Variants in PCDHA10 observed in about 807,000 individuals in gnomAD.
PCDHA10 encodes protocadherin alpha-10.
PCDHA10 carries 45 observed loss-of-function variants against 61.2 expected under a neutral mutation model. That is an observed-to-expected ratio of 0.74 (90% CI 0.58 to 0.94). PCDHA10 has a LOEUF of 0.94. Among genes scored for constraint, PCDHA10 ranks in the 40% least tolerant of loss-of-function variants. The pLI is 0.00. For synonymous variants in PCDHA10, 602 were observed against 548.8 expected, an observed-to-expected ratio of 1.10 and a Z score of -1.35; for missense variants, 1,278 against 1,236.2, an observed-to-expected ratio of 1.03 and a Z score of -0.51.
chr5:140,880,614 GGGA>G (rs2058396473), intron 1 of PCDHA10, among the ~76,000 whole-genome samples: 1 of 152,182 alleles, frequency 6.6e-6, no homozygotes, highest in South Asian at 2.1e-4. Context: ...GTAAGCAAGA[GGGA>G]GGAGTTAATT....
At chr5:140,927,092 G>T in intron 1 of PCDHA10, 1 of 1,612,746 alleles carries the variant, frequency 6.2e-7, no homozygotes, top group Non-Finnish European at 8.5e-7. Flanking sequence ...CTCTACTTCG[G>T]GGTGGATCTA....
At chr5:140,869,433 G>A in intron 1 of PCDHA10, 2 of 1,614,226 alleles carry the variant, frequency 1.2e-6, no homozygotes, top group Non-Finnish European at 1.7e-6. Context: ...AGGTGATCGT[G>A]GACAGGCCGC....
intron 1 of PCDHA10, among the ~76,000 whole-genome samples, chr5:140,886,068 GC>G (rs1462692271): frequency 5.3e-5 from 8 of 152,098 alleles, no homozygotes; most frequent in African/African-American, 9.7e-5. Context: ...AAAGCGTAGG[GC>G]CATACCACAA....
At chr5:140,867,220 A>G (rs782476423) in intron 1 of PCDHA10, 2 of 152,110 alleles carry the variant, frequency 1.3e-5, no homozygotes, top group Non-Finnish European at 2.9e-5. Flanking sequence ...TTCATCCCCA[A>G]TTCCCATAAT....
intron 1 of PCDHA10, among the ~76,000 whole-genome samples, chr5:140,953,351 C>G (rs1007094673): frequency 3.3e-5 from 5 of 152,122 alleles, no homozygotes; most frequent in Non-Finnish European, 5.9e-5. Context: ...TTCTTTTGTT[C>G]TGTGCACTCA....
At position 140,857,738 on chromosome 5, in the gene PCDHA10, C is replaced by T; in HGVS notation, c.1690C>T (p.Leu564=). 1 of 1,597,432 alleles carries T rather than the reference C, an allele frequency of 6.3e-7. No homozygotes were observed. The highest frequency in any genetic ancestry group is 8.6e-7 in the Non-Finnish European group (1 of 1,167,660). Residue 564 remains leucine (L), a synonymous_variant, in exon 1 of 4, where the codon CTG becomes TTG. Coordinates refer to ENST00000307360, the MANE Select transcript of PCDHA10 (RefSeq NM_018901.4). ...VLDENDNAPA[L]LASPAGSAGG... ...GGACGAGAACGACAACGCTCCCGCG[C>T]TGCTGGCGTCTCCCGCTGGCAGCGC...
At chr5:140,869,497 G>T (rs2051177889) in intron 1 of PCDHA10, 2 of 1,614,084 alleles carry the variant, frequency 1.2e-6, no homozygotes. Flanking sequence ...CAACCCGCCG[G>T]TGTTCTCGCT....
chr5:140,904,714 C>T (rs1306730472), intron 1 of PCDHA10, among the ~76,000 whole-genome samples: 1 of 152,110 alleles, frequency 6.6e-6, no homozygotes, highest in African/African-American at 2.4e-5. Flanking sequence ...TCACCACATT[C>T]TGGCCAACAT....
At chr5:140,947,635 G>T (rs1170525936) in intron 1 of PCDHA10, among the ~76,000 whole-genome samples, 1 of 151,538 alleles carries the variant, frequency 6.6e-6, no homozygotes, top group Non-Finnish European at 1.5e-5. Flanking sequence ...TCATCAGATC[G>T]TATGAACATA....
intron 1 of PCDHA10, chr5:140,870,542 A>T (rs781984897): frequency 1.2e-6 from 2 of 1,614,132 alleles, no homozygotes; most frequent in Non-Finnish European, 1.7e-6. Context: ...TCGGCGCGGG[A>T]CGCGGACGCG....
chr5:140,945,678 C>T (rs2093827274), intron 1 of PCDHA10, among the ~76,000 whole-genome samples: 1 of 152,078 alleles, frequency 6.6e-6, no homozygotes, highest in Non-Finnish European at 1.5e-5. Context: ...AATAAATCCA[C>T]ACAGTTACTG....
chr5:140,933,715 G>C (rs1292658358), intron 1 of PCDHA10, among the ~76,000 whole-genome samples: 1 of 151,902 alleles, frequency 6.6e-6, no homozygotes, highest in Non-Finnish European at 1.5e-5. Flanking sequence ...ACTGAGATTG[G>C]TGATACAGCT....
At chr5:140,943,234 G>A (rs1161111493) in intron 1 of PCDHA10, among the ~76,000 whole-genome samples, 3 of 145,508 alleles carry the variant, frequency 2.1e-5, no homozygotes, top group Non-Finnish European at 4.5e-5. Context: ...CTCCAGCCTG[G>A]GTCACAGAGT....
At chr5:140,906,961 T>C (rs143429690) in intron 1 of PCDHA10, among the ~76,000 whole-genome samples, 1 of 152,268 alleles carries the variant, frequency 6.6e-6, no homozygotes, top group African/African-American at 2.4e-5. Flanking sequence ...TTTAATGGAA[T>C]CGTGGTTGTG....
At chr5:140,962,414 C>T (rs2095681226) in intron 1 of PCDHA10, among the ~76,000 whole-genome samples, 1 of 152,166 alleles carries the variant, frequency 6.6e-6, no homozygotes, top group African/African-American at 2.4e-5. Context: ...CCTGTCTCTC[C>T]CTTTTTATTG....
intron 1 of PCDHA10, among the ~76,000 whole-genome samples, chr5:140,900,040 G>A (rs1407235485): frequency 4.6e-5 from 7 of 152,046 alleles, no homozygotes; most frequent in Non-Finnish European, 8.8e-5. Flanking sequence ...GAATTCCTGG[G>A]CTCAAGTGAT....
Position 140,941,218 on chromosome 5 carries a change from T to C in PCDHA10, c.2389-37731T>C, listed in dbSNP as rs552463058. ...TTCTTTCTTCCTTTCTTTCTTCCTT[T>C]CTTTCTTTCTTTCTTTCTTTCTTTC... On this transcript the variant is annotated intron_variant, in intron 1 of 3. Transcript: ENST00000307360. 5.6e-5 allele frequency among the ~76,000 whole-genome samples: 7 copies of C among 125,730 alleles called. No homozygotes were observed. In the South Asian group the frequency reaches 7.6e-4, roughly 14 times the overall value. 82.5% of individuals were successfully genotyped at this position (125,730 alleles called of 152,430 possible). A position where few individuals can be genotyped will look rare whatever the true frequency, so the allele number is the denominator to read the frequency against.
At chr5:140,862,607 A>C in intron 1 of PCDHA10, 3 of 519,204 alleles carry the variant, frequency 5.8e-6, no homozygotes, top group Non-Finnish European at 1.2e-5. Flanking sequence ...GTGTTCGTGA[A>C]AGGTAACAAC....
At chr5:140,862,970 C>T (rs1554157323) in intron 1 of PCDHA10, 4 of 545,310 alleles carry the variant, frequency 7.3e-6, no homozygotes, top group South Asian at 5.5e-5. Context: ...GGATGCAGGC[C>T]ACTTGGTGGC....
Sources: gnomAD v4.1 joint callset for allele counts (sites outside exome capture counted in the v4.1 genomes callset) on GRCh38, gnomAD v4.1.1 for gene constraint, MANE v1.5 for transcripts, NCBI Gene and HGNC (gene_info 2026-07-23, HGNC 2026-07-21) for gene names.